Variants in RBFOX1 observed in about 807,000 individuals in gnomAD.
The protein encoded by RBFOX1 is RNA binding fox-1 homolog 1, also known as RNA binding protein fox-1 homolog 1.
In RBFOX1, 8 loss-of-function variants were observed where a neutral mutation model predicts 57.7. The ratio of observed to expected loss-of-function variants is 0.14; its 90% CI spans 0.08 to 0.25. RBFOX1 has a LOEUF of 0.25. Ranked by LOEUF, RBFOX1 falls within the 10% of genes least tolerant of loss-of-function variation. The pLI is 1.00. For missense variants in RBFOX1, 611 were observed against 548.5 expected, an observed-to-expected ratio of 1.11 and a Z score of -1.14; for synonymous variants, 326 against 222.4, an observed-to-expected ratio of 1.47 and a Z score of -4.15.
intron 4 of RBFOX1, among the ~76,000 whole-genome samples, chr16:7,331,453 C>G (rs1333333612): frequency 2.6e-5 from 4 of 152,074 alleles, no homozygotes; most frequent in Non-Finnish European, 5.9e-5. Flanking sequence ...CTACACACAC[C>G]CACATGTCTT....
intron 2 of RBFOX1, among the ~76,000 whole-genome samples, chr16:6,513,664 G>A (rs556421731): frequency 1.3e-5 from 2 of 152,248 alleles, no homozygotes; most frequent in South Asian, 2.1e-4. Flanking sequence ...AACTTGGGAG[G>A]CGGAGGTTGT....
At chr16:7,220,730 C>G (rs1236092940) in intron 4 of RBFOX1, among the ~76,000 whole-genome samples, 4 of 150,046 alleles carry the variant, frequency 2.7e-5, no homozygotes, top group Admixed American at 1.3e-4. Flanking sequence ...ATCTTGGATC[C>G]TGGCTGAGTG....
rs532896717 is a variant in RBFOX1 at position 7,415,330 on chromosome 16, T to G, written c.28-102817T>G. Among the ~76,000 whole-genome samples, 10 of 152,306 alleles carry G rather than the reference T, an allele frequency of 6.6e-5. No individual in the cohort carries two copies. In the South Asian group the frequency reaches 1.7e-3, roughly 25 times the overall value. On this transcript the variant is annotated intron_variant, in intron 4 of 15. Transcript: ENST00000550418. ...AAGATAAATCCATATCTTCTGCCTG[T>G]GGAACCAGATGGAGTTCTGGTATCA...
chr16:7,160,274 T>A (rs892119085), intron 4 of RBFOX1, among the ~76,000 whole-genome samples: 1 of 152,106 alleles, frequency 6.6e-6, no homozygotes, highest in South Asian at 2.1e-4. Flanking sequence ...TTTCTTCCTG[T>A]CTTTGGCAGG....
intron 3 of RBFOX1, among the ~76,000 whole-genome samples, chr16:5,757,921 C>G (rs542532288): frequency 6.6e-6 from 1 of 152,186 alleles, no homozygotes; most frequent in Non-Finnish European, 1.5e-5. Flanking sequence ...TCACTACTCT[C>G]GCTGGTCATC....
At chr16:6,614,944 A>G (rs1236634249) in intron 2 of RBFOX1, among the ~76,000 whole-genome samples, 1 of 152,224 alleles carries the variant, frequency 6.6e-6, no homozygotes, top group East Asian at 1.9e-4. Flanking sequence ...TTGCTAACAG[A>G]CACTTTAAAA....
intron 1 of RBFOX1, among the ~76,000 whole-genome samples, chr16:6,226,821 A>G (rs778596182): frequency 9.9e-5 from 15 of 151,910 alleles, no homozygotes; most frequent in Admixed American, 2.0e-4. Flanking sequence ...TAAAATGATA[A>G]TATTGTGGCT....
At chr16:6,998,987 G>A (rs1178766692) in intron 3 of RBFOX1, among the ~76,000 whole-genome samples, 2 of 151,402 alleles carry the variant, frequency 1.3e-5, no homozygotes, top group Non-Finnish European at 2.9e-5. Flanking sequence ...TCGTGCCTCG[G>A]CATCCTGAGT....
intron 2 of RBFOX1, among the ~76,000 whole-genome samples, chr16:6,587,184 C>T (rs2097639784): frequency 6.6e-6 from 1 of 152,086 alleles, no homozygotes; most frequent in Non-Finnish European, 1.5e-5. Context: ...CCCCAGCTCC[C>T]CTCTCTCCGC....
At chr16:6,617,880 A>G (rs1369781966) in intron 2 of RBFOX1, among the ~76,000 whole-genome samples, 1 of 152,138 alleles carries the variant, frequency 6.6e-6, no homozygotes, top group Non-Finnish European at 1.5e-5. Flanking sequence ...AGTACCATGG[A>G]GGTCTAGAAG....
At chr16:7,698,483 AAGG>A (rs1051877960) in intron 14 of RBFOX1, among the ~76,000 whole-genome samples, 10 of 152,078 alleles carry the variant, frequency 6.6e-5, no homozygotes, top group Non-Finnish European at 1.0e-4. Context: ...TCAGGGGTAC[AAGG>A]AGGTGTCACC....
intron 3 of RBFOX1, among the ~76,000 whole-genome samples, chr16:5,721,554 G>C (rs2051935690): frequency 6.6e-6 from 1 of 152,160 alleles, no homozygotes; most frequent in African/African-American, 2.4e-5. Flanking sequence ...TCATCTTAGG[G>C]GAAGGCATTC....
At chr16:6,367,850 C>T (rs1290611705) in intron 2 of RBFOX1, among the ~76,000 whole-genome samples, 1 of 152,102 alleles carries the variant, frequency 6.6e-6, no homozygotes, top group Admixed American at 6.5e-5. Flanking sequence ...ATCCTATCTT[C>T]CCCCAGTTAA....
At chr16:6,903,365 A>G (rs994168866) in intron 3 of RBFOX1, among the ~76,000 whole-genome samples, 4 of 152,176 alleles carry the variant, frequency 2.6e-5, no homozygotes, top group Non-Finnish European at 5.9e-5. Context: ...AATGATGGGA[A>G]ACCATTGCAC....
intron 4 of RBFOX1, among the ~76,000 whole-genome samples, chr16:7,160,801 C>A (rs1430959984): frequency 2.0e-5 from 3 of 146,872 alleles, no homozygotes; most frequent in East Asian, 2.1e-4. Context: ...CCTCCGTCTC[C>A]CCCTTTCTTC....
chr16:5,668,383 T>A (rs2049914588), intron 3 of RBFOX1, among the ~76,000 whole-genome samples: 1 of 152,224 alleles, frequency 6.6e-6, no homozygotes, highest in Admixed American at 6.5e-5. Flanking sequence ...TCATCTCTTT[T>A]TCCCGACCTT....
At chr16:6,239,999 G>T (rs188253315) in intron 1 of RBFOX1, among the ~76,000 whole-genome samples, 123 of 152,182 alleles carry the variant, frequency 8.1e-4, no homozygotes, top group African/African-American at 2.8e-3. Context: ...TTCGGTCATC[G>T]GAGTGGATCT....
At chr16:7,000,053 C>G (rs1442742045) in intron 3 of RBFOX1, among the ~76,000 whole-genome samples, 1 of 133,404 alleles carries the variant, frequency 7.5e-6, no homozygotes, top group Admixed American at 8.3e-5. Flanking sequence ...GCCTGGGCAA[C>G]AGGGAGACTC....
chr16:6,305,430 A>C (rs2079381341), intron 1 of RBFOX1, among the ~76,000 whole-genome samples: 1 of 151,820 alleles, frequency 6.6e-6, no homozygotes, highest in Non-Finnish European at 1.5e-5. Flanking sequence ...TTTTCCTGTT[A>C]ATTTTTATTA....
Sources: allele counts gnomAD v4.1 joint callset (sites outside exome capture counted in the v4.1 genomes callset), GRCh38; gene constraint gnomAD v4.1.1; transcripts MANE v1.5; gene names NCBI Gene and HGNC (gene_info 2026-07-23, HGNC 2026-07-21).